The following PEX7 variants were observed in gnomAD, a reference collection of about 807,000 sequenced individuals.
PEX7 encodes peroxisomal biogenesis factor 7.
A neutral mutation model predicts 47.5 loss-of-function variants in PEX7; 34 were observed. That is an observed-to-expected ratio of 0.72 (90% CI 0.54 to 0.95). PEX7 has a LOEUF of 0.95. Among genes scored for constraint, PEX7 ranks in the 40% least tolerant of loss-of-function variants. The pLI is 0.00. For missense variants in PEX7, 394 were observed against 400.3 expected (o/e 0.98, Z 0.13); for synonymous variants, 141 against 148.8 (o/e 0.95, Z 0.38).
At chr6:136,830,943 A>C (rs1774281865) in intron 3 of PEX7, among the ~76,000 whole-genome samples, 1 of 152,172 alleles carries the variant, frequency 6.6e-6, no homozygotes, top group Non-Finnish European at 1.5e-5. Flanking sequence ...TAAGTATACA[A>C]CTATTAGTAT....
intron 5 of PEX7, among the ~76,000 whole-genome samples, chr6:136,864,194 A>G (rs1420210443): frequency 6.6e-6 from 1 of 152,216 alleles, no homozygotes; most frequent in East Asian, 1.9e-4. Flanking sequence ...TTTAGAAAAA[A>G]TATGTATAAA....
chr6:136,859,148 T>C (rs1166908945), intron 5 of PEX7, among the ~76,000 whole-genome samples: 3 of 152,168 alleles, frequency 2.0e-5, no homozygotes, highest in Non-Finnish European at 4.4e-5. Flanking sequence ...ATCTTCAAAG[T>C]TGTATAGTTT....
At chr6:136,870,709 A>AT (rs531580099) in intron 7 of PEX7, 189 of 386,234 alleles carry the variant, frequency 4.9e-4, no homozygotes, top group Middle Eastern at 8.4e-4. Context: ...AAAATTCTAA[A>AT]TTTTTTTTTC....
chr6:136,845,781 T>C (rs1774587089), intron 4 of PEX7, 89 bp downstream of exon 4: 1 of 864,520 alleles, frequency 1.2e-6, no homozygotes. Flanking sequence ...CATACTTCTG[T>C]AGCTCTATGA....
At chr6:136,856,893 T>G (rs1237274284) in intron 5 of PEX7, among the ~76,000 whole-genome samples, 1 of 152,230 alleles carries the variant, frequency 6.6e-6, no homozygotes, top group Non-Finnish European at 1.5e-5. Flanking sequence ...TTCAAAAACT[T>G]TCCTTGTGAA....
At chr6:136,863,258 C>T (rs1306450042) in intron 5 of PEX7, among the ~76,000 whole-genome samples, 1 of 152,008 alleles carries the variant, frequency 6.6e-6, no homozygotes, top group Non-Finnish European at 1.5e-5. Context: ...TAAGAAAAAT[C>T]CCAAGTACCC....
At chr6:136,882,175 CT>C (rs35653586) in intron 8 of PEX7, among the ~76,000 whole-genome samples, 6,387 of 104,292 alleles carry the variant, frequency 0.061, 80 homozygotes, top group African/African-American at 0.11. Flanking sequence ...TCTTCTTCTT[CT>C]TTTTTTTTTT....
chr6:136,867,150 C>T (rs1256613768), intron 6 of PEX7, among the ~76,000 whole-genome samples: 1 of 152,048 alleles, frequency 6.6e-6, no homozygotes, highest in Admixed American at 6.6e-5. Flanking sequence ...TCTGTTTTAT[C>T]TTCCTTTTTA....
At chr6:136,901,574 G>T (rs1177797902) in intron 9 of PEX7, 1 of 152,264 alleles carries the variant, frequency 6.6e-6, no homozygotes, top group Non-Finnish European at 1.5e-5. Context: ...GTTTACAAGA[G>T]GGCAAGAGCA....
In PEX7 at chr6:136,913,443, A is replaced by G; in HGVS notation, c.904-15A>G. On this transcript the variant is annotated splice_polypyrimidine_tract_variant and intron_variant, in intron 9 of 9. Transcript: ENST00000318471. ...GTCTAAATACGTTTCTTCTTACTTC[A>G]TTTTTGTTTTCTAGGTGGCTGACTG... is the stretch of plus-strand genomic sequence containing the variant. 6.3e-7 allele frequency: 1 copy of G among 1,595,570 alleles called. No homozygotes were observed.
At chr6:136,834,374 G>C (rs1774349816) in intron 3 of PEX7, among the ~76,000 whole-genome samples, 1 of 152,174 alleles carries the variant, frequency 6.6e-6, no homozygotes, top group African/African-American at 2.4e-5. Flanking sequence ...TTGCCACCAT[G>C]CCTGGCTAAT....
At chr6:136,845,794 C>A in intron 4 of PEX7, 102 bp downstream of exon 4, 1 of 813,188 alleles carries the variant, frequency 1.2e-6, no homozygotes, top group Non-Finnish European at 2.2e-6. Flanking sequence ...CTCTATGATT[C>A]GACAGCTGAG....
chr6:136,862,059 T>A (rs1006166578), intron 5 of PEX7, among the ~76,000 whole-genome samples: 34 of 143,412 alleles, frequency 2.4e-4, no homozygotes, highest in Non-Finnish European at 3.8e-4. Context: ...ATATATATAT[T>A]ATATATATAT....
chr6:136,854,732 G>A (rs902029178), intron 5 of PEX7, among the ~76,000 whole-genome samples: 2 of 152,140 alleles, frequency 1.3e-5, no homozygotes. Flanking sequence ...ATATCCTACA[G>A]TTTCAAAGGA....
chr6:136,888,479 G>C (rs555788478), intron 8 of PEX7, among the ~76,000 whole-genome samples: 3 of 152,024 alleles, frequency 2.0e-5, no homozygotes, highest in Non-Finnish European at 2.9e-5. Context: ...TTGTGAGATG[G>C]GTTCACCACA....
intron 7 of PEX7, 83 bp downstream of exon 7, chr6:136,870,086 G>A (rs1171510864): frequency 5.7e-6 from 5 of 883,186 alleles, no homozygotes; most frequent in Non-Finnish European, 8.7e-6. Context: ...AGTGTTCTGG[G>A]TTTAGGGATT....
At chr6:136,902,431 CCTTT>C (rs1775768213) in intron 9 of PEX7, among the ~76,000 whole-genome samples, 1 of 152,192 alleles carries the variant, frequency 6.6e-6, no homozygotes, top group South Asian at 2.1e-4. Context: ...TATTACACCA[CCTTT>C]CTTCTTAACA....
chr6:136,829,653 G>A (rs1007727778), intron 3 of PEX7, among the ~76,000 whole-genome samples: 1 of 152,148 alleles, frequency 6.6e-6, no homozygotes, highest in Non-Finnish European at 1.5e-5. Flanking sequence ...ATTAATAAAT[G>A]AGGCTGAGTG....
At chr6:136,864,693 C>G (rs1490256208) in intron 5 of PEX7, among the ~76,000 whole-genome samples, 2 of 152,144 alleles carry the variant, frequency 1.3e-5, no homozygotes, top group African/African-American at 4.8e-5. Context: ...GTGAAAGATA[C>G]TTTAAAAATT....
Sources: allele counts gnomAD v4.1 joint callset (sites outside exome capture counted in the v4.1 genomes callset), GRCh38; gene constraint gnomAD v4.1.1; transcripts MANE v1.5; gene names NCBI Gene and HGNC (gene_info 2026-07-23, HGNC 2026-07-21).